Variants in IQCM observed in about 807,000 individuals in gnomAD.
IQCM encodes the protein IQ motif containing M.
IQCM carries 45 observed loss-of-function variants against 57.6 expected under a neutral mutation model. The ratio of observed to expected loss-of-function variants is 0.78; its 90% CI spans 0.62 to 1.00. The LOEUF (loss-of-function observed/expected upper bound fraction) is 1.00, where lower values mean the gene tolerates loss of function less well. Ranked by LOEUF, IQCM falls within the 50% of genes least tolerant of loss-of-function variation. IQCM has a pLI of 0.00. For synonymous variants in IQCM, 148 were observed against 158.9 expected, an observed-to-expected ratio of 0.93 and a Z score of 0.51; for missense variants, 468 against 511.6, an observed-to-expected ratio of 0.91 and a Z score of 0.82.
At chr4:149,600,934 T>A (rs1229147625) in intron 8 of IQCM, among the ~76,000 whole-genome samples, 1 of 152,194 alleles carries the variant, frequency 6.6e-6, no homozygotes, top group Non-Finnish European at 1.5e-5. Context: ...GAGAATGTAT[T>A]TCTAATATCT....
intron 12 of IQCM, among the ~76,000 whole-genome samples, chr4:149,471,949 T>G (rs954198440): frequency 3.1e-4 from 47 of 152,272 alleles, no homozygotes; most frequent in African/African-American, 1.1e-3. Context: ...CTCAATAAAC[T>G]AGGTATTCAT....
At chr4:149,582,521 A>T (rs1018348813) in intron 9 of IQCM, among the ~76,000 whole-genome samples, 1 of 150,918 alleles carries the variant, frequency 6.6e-6, no homozygotes, top group African/African-American at 2.4e-5. Flanking sequence ...CCTTTGAATT[A>T]AATAGGATGA....
intron 7 of IQCM, among the ~76,000 whole-genome samples, chr4:149,641,096 C>T (rs1351083934): frequency 6.6e-6 from 1 of 152,176 alleles, no homozygotes; most frequent in Non-Finnish European, 1.5e-5. Flanking sequence ...CACTGCACTC[C>T]AGCCTGGGTG....
intron 9 of IQCM, among the ~76,000 whole-genome samples, chr4:149,584,285 C>T (rs1752465938): frequency 6.6e-6 from 1 of 151,334 alleles, no homozygotes; most frequent in Non-Finnish European, 1.5e-5. Context: ...CTTTCAGAAA[C>T]TTATGGAGTT....
At chr4:149,416,903 C>T (rs1733787164) in intron 13 of IQCM, among the ~76,000 whole-genome samples, 1 of 152,184 alleles carries the variant, frequency 6.6e-6, no homozygotes, top group African/African-American at 2.4e-5. Context: ...CTGGAAAATG[C>T]TGAGAGCTGA....
chr4:149,798,169 GA>G (rs1199427331), intron 2 of IQCM, among the ~76,000 whole-genome samples: 1 of 151,900 alleles, frequency 6.6e-6, no homozygotes, highest in Non-Finnish European at 1.5e-5. Context: ...GATACAAATA[GA>G]AACAAGAAAA....
chr4:149,584,612 TA>T (rs200317672), intron 9 of IQCM, among the ~76,000 whole-genome samples: 3,027 of 151,828 alleles, frequency 0.02, 72 homozygotes, highest in African/African-American at 0.06. Flanking sequence ...TAGCTCTGTT[TA>T]ATAATGCTTC....
At chr4:149,738,835 A>G (rs1194628681) in intron 3 of IQCM, among the ~76,000 whole-genome samples, 1 of 152,230 alleles carries the variant, frequency 6.6e-6, no homozygotes, top group Non-Finnish European at 1.5e-5. Context: ...CCCTTGAACA[A>G]GAGTGAAATT....
chr4:149,779,079 C>A (rs1771365839), intron 2 of IQCM, among the ~76,000 whole-genome samples: 1 of 151,990 alleles, frequency 6.6e-6, no homozygotes, highest in Non-Finnish European at 1.5e-5. Context: ...AAATTCTTAA[C>A]AAAATAGAAG....
intron 7 of IQCM, among the ~76,000 whole-genome samples, chr4:149,654,151 T>A (rs1759434979): frequency 6.6e-6 from 1 of 152,176 alleles, no homozygotes; most frequent in Admixed American, 6.6e-5. Flanking sequence ...CATCAGCTAG[T>A]AAGTGGATAT....
At chr4:149,767,005 C>T (rs139684170) in intron 2 of IQCM, among the ~76,000 whole-genome samples, 1 of 151,880 alleles carries the variant, frequency 6.6e-6, no homozygotes, top group East Asian at 1.9e-4. Flanking sequence ...ATATCACTAA[C>T]AAAAACAAAT....
At chr4:149,538,031 A>AAT (rs1023898935) in intron 12 of IQCM, among the ~76,000 whole-genome samples, 21 of 151,254 alleles carry the variant, frequency 1.4e-4, no homozygotes, top group Non-Finnish European at 2.8e-4. Context: ...TATATATATG[A>AAT]ATATATATAT....
chr4:149,504,008 A>G (rs1263413132), intron 12 of IQCM, among the ~76,000 whole-genome samples: 1 of 152,170 alleles, frequency 6.6e-6, no homozygotes, highest in Non-Finnish European at 1.5e-5. Flanking sequence ...TTAACAAAAG[A>G]GGAATTTAAA....
intron 8 of IQCM, among the ~76,000 whole-genome samples, chr4:149,610,402 A>G (rs535187278): frequency 6.6e-6 from 1 of 152,048 alleles, no homozygotes; most frequent in Non-Finnish European, 1.5e-5. Flanking sequence ...ACTGCAAAAG[A>G]CCCTGAATAG....
chr4:149,590,070 G>A (rs1752985763), intron 8 of IQCM, among the ~76,000 whole-genome samples: 1 of 151,496 alleles, frequency 6.6e-6, no homozygotes. Flanking sequence ...CATAATAAGG[G>A]GTGGCAAATG....
chr4:149,471,321 C>T (rs919360282), intron 12 of IQCM, among the ~76,000 whole-genome samples: 1 of 152,128 alleles, frequency 6.6e-6, no homozygotes, highest in Non-Finnish European at 1.5e-5. Flanking sequence ...CAATTACCAT[C>T]AGAGAATACT....
intron 12 of IQCM, among the ~76,000 whole-genome samples, chr4:149,493,287 T>C (rs1266799193): frequency 1.3e-5 from 2 of 152,088 alleles, no homozygotes; most frequent in East Asian, 3.9e-4. Flanking sequence ...GAGAAAATAA[T>C]TTTCTTACAA....
chr4:149,415,586 T>A lies in IQCM; in HGVS notation c.1390+17810A>T, dbSNP rs1163957013. Among the ~76,000 whole-genome samples the A allele has an allele frequency of 2.6e-5, 4 of 152,176 alleles. No homozygotes were observed. The East Asian group carries it at 5.8e-4, about 22-fold the overall frequency. ...GCTTTTTTTTAGAATAGGCAGAGTA[T>A]TTTTCTAAATTTTTCCACCTAACAG... On this transcript the variant is annotated intron_variant, in intron 13 of 13. Coordinates refer to ENST00000636793, the MANE Select transcript of IQCM (RefSeq NM_001363507.2).
chr4:149,514,340 C>A (rs1452567931), intron 12 of IQCM, among the ~76,000 whole-genome samples: 1 of 152,158 alleles, frequency 6.6e-6, no homozygotes, highest in Non-Finnish European at 1.5e-5. Flanking sequence ...CTCTCTTCTC[C>A]TCAAACATTA....
Sources: allele counts gnomAD v4.1 joint callset (sites outside exome capture counted in the v4.1 genomes callset), GRCh38; gene constraint gnomAD v4.1.1; transcripts MANE v1.5; gene names NCBI Gene and HGNC (gene_info 2026-07-23, HGNC 2026-07-21).